Variants in PHLPP1 observed in about 807,000 individuals in gnomAD.
PHLPP1 encodes the protein PH domain leucine-rich repeat-containing protein phosphatase 1.
A neutral mutation model predicts 117.2 loss-of-function variants in PHLPP1; 42 were observed. The observed-to-expected ratio is 0.36, with a 90% CI of 0.28 to 0.46. PHLPP1 has a LOEUF of 0.46. Among genes scored for constraint, PHLPP1 ranks in the 20% least tolerant of loss-of-function variants. PHLPP1 has a pLI of 1.00. For synonymous variants in PHLPP1, 1,042 were observed against 970.7 expected, an observed-to-expected ratio of 1.07 and a Z score of -1.37; for missense variants, 2,084 against 2,241.9, an observed-to-expected ratio of 0.93 and a Z score of 1.42.
intron 4 of PHLPP1, among the ~76,000 whole-genome samples, chr18:62,871,313 T>C (rs1915894170): frequency 6.6e-6 from 1 of 152,110 alleles, no homozygotes; most frequent in Non-Finnish European, 1.5e-5. Context: ...AATTTAGCTC[T>C]GTTTATTTTT....
chr18:62,924,794 C>T (rs371715978), intron 10 of PHLPP1, among the ~76,000 whole-genome samples: 4 of 149,108 alleles, frequency 2.7e-5, no homozygotes, highest in African/African-American at 9.9e-5. Context: ...GCTCTGATCA[C>T]GCCACCTACA....
chr18:62,963,547 C>A, intron 14 of PHLPP1, 75 bp downstream of exon 14: 1 of 932,420 alleles, frequency 1.1e-6, no homozygotes. Flanking sequence ...GAAAGAAACT[C>A]AGTGCTGTAG....
intron 1 of PHLPP1, chr18:62,824,263 G>A (rs907840496): frequency 2.2e-5 from 10 of 449,570 alleles, no homozygotes; most frequent in African/African-American, 2.0e-4. Flanking sequence ...CAAAACATTT[G>A]TCTATACCAA....
intron 7 of PHLPP1, among the ~76,000 whole-genome samples, chr18:62,903,788 A>G (rs1171671681): frequency 6.6e-6 from 1 of 151,990 alleles, no homozygotes; most frequent in African/African-American, 2.4e-5. Context: ...AAAAAAGACA[A>G]GAAAAGATAA....
chr18:62,740,180 C>T (rs564444316), intron 1 of PHLPP1, among the ~76,000 whole-genome samples: 3 of 151,974 alleles, frequency 2.0e-5, no homozygotes, highest in East Asian at 1.9e-4. Flanking sequence ...GTGGGTAGGT[C>T]GGGAGGCAGA....
At chr18:62,743,909 G>A (rs1398329058) in intron 1 of PHLPP1, among the ~76,000 whole-genome samples, 1 of 152,058 alleles carries the variant, frequency 6.6e-6, no homozygotes, top group Non-Finnish European at 1.5e-5. Flanking sequence ...GGACATATAT[G>A]TTGATAGGCT....
chr18:62,854,677 A>G (rs372059375), intron 3 of PHLPP1, among the ~76,000 whole-genome samples: 1 of 150,236 alleles, frequency 6.7e-6, no homozygotes, highest in East Asian at 2.0e-4. Context: ...CTCTTGTTCA[A>G]ACTCTGATCC....
In PHLPP1 at chr18:62,979,845, G is replaced by GTTTTT. The variant is rs1911323466; in HGVS notation, c.*414_*415insTTTTT. On this transcript the variant is annotated 3_prime_UTR_variant, in exon 17 of 17. Coordinates refer to ENST00000262719, the MANE Select transcript of PHLPP1 (RefSeq NM_194449.4). ...TTCTGTATTTCTTTGGGGGGAAAAG[G>GTTTTT]CTTTTGTTTTGTTTTGTTTTGTTTT... 1.3e-5 allele frequency: 2 copies of GTTTTT among 156,886 alleles called. No individual in the cohort carries two copies. Among genetic ancestry groups the GTTTTT allele is most frequent in the African/African-American group, 5.5e-5 (2 of 36,382 alleles). The allele number at this position is 156,886 out of a possible 1,614,324, so 9.7% of individuals were successfully genotyped here.
At chr18:62,957,789 C>T (rs1350768561) in intron 12 of PHLPP1, among the ~76,000 whole-genome samples, 1 of 151,652 alleles carries the variant, frequency 6.6e-6, no homozygotes, top group Non-Finnish European at 1.5e-5. Flanking sequence ...GATCTCGGCT[C>T]ACTGCATCCT....
At chr18:62,751,461 A>G (rs1214187733) in intron 1 of PHLPP1, among the ~76,000 whole-genome samples, 3 of 152,210 alleles carry the variant, frequency 2.0e-5, no homozygotes, top group Non-Finnish European at 4.4e-5. Flanking sequence ...GAAAATGGCA[A>G]GCATGCAGAG....
chr18:62,815,109 T>C (rs1329396179), intron 1 of PHLPP1, among the ~76,000 whole-genome samples: 4 of 151,614 alleles, frequency 2.6e-5, no homozygotes, highest in Admixed American at 2.6e-4. Context: ...CCCTAGGGGC[T>C]GGAGTTCTCT....
At chr18:62,944,784 ATAGTGTTTTCAT>A (rs1365531367) in intron 11 of PHLPP1, among the ~76,000 whole-genome samples, 1 of 152,194 alleles carries the variant, frequency 6.6e-6, no homozygotes, top group African/African-American at 2.4e-5. Flanking sequence ...ACCCATTTAA[ATAGTGTTTTCAT>A]TAGTGTTCAG....
chr18:62,849,309 A>T (rs1026025034), intron 3 of PHLPP1, among the ~76,000 whole-genome samples: 1 of 152,196 alleles, frequency 6.6e-6, no homozygotes, highest in Non-Finnish European at 1.5e-5. Flanking sequence ...GTATCTGGTC[A>T]TGTTATATTT....
At chr18:62,835,776 CTTTTTTTTTTTT>C (rs747058557) in intron 2 of PHLPP1, among the ~76,000 whole-genome samples, 1 of 94,520 alleles carries the variant, frequency 1.1e-5, no homozygotes, top group Admixed American at 1.1e-4. Context: ...TCAACTGGTT[CTTTTTTTTTTTT>C]TTTTTTTTTT....
At position 62,920,094 on chromosome 18, in the gene PHLPP1, CCTT is replaced by C; in HGVS notation, c.2943_2945del (p.Leu982del). ...ACCAGCTCCTTGAGCTCCCACCTAA[CCTT>C]CTGATGAAGGCTGACAGGTAAAGCC... On this transcript the variant is annotated inframe_deletion, in exon 10 of 17. Transcript: ENST00000262719. The C allele has an allele frequency of 6.2e-7, 1 of 1,613,780 alleles. No homozygotes were observed. The highest frequency in any genetic ancestry group is 8.5e-7 in the Non-Finnish European group (1 of 1,179,810).
At chr18:62,801,985 C>T (rs1913797930) in intron 1 of PHLPP1, among the ~76,000 whole-genome samples, 1 of 152,002 alleles carries the variant, frequency 6.6e-6, no homozygotes, top group Non-Finnish European at 1.5e-5. Flanking sequence ...AATATTTTTA[C>T]TTTTTCTATT....
intron 1 of PHLPP1, among the ~76,000 whole-genome samples, chr18:62,740,804 C>T (rs1392642275): frequency 1.3e-5 from 2 of 151,956 alleles, no homozygotes; most frequent in East Asian, 1.9e-4. Context: ...AGACCCCATA[C>T]GTACTAAAAA....
intron 1 of PHLPP1, among the ~76,000 whole-genome samples, chr18:62,793,276 T>C (rs1274448734): frequency 6.6e-6 from 1 of 152,258 alleles, no homozygotes; most frequent in Admixed American, 6.5e-5. Context: ...GATATTTGCA[T>C]AGAAAATCCA....
intron 4 of PHLPP1, among the ~76,000 whole-genome samples, chr18:62,893,776 T>C (rs1197968930): frequency 6.6e-6 from 1 of 150,526 alleles, no homozygotes; most frequent in African/African-American, 2.4e-5. Context: ...ATAGGCCAAA[T>C]GTAAGAGTGC....
Sources: allele counts gnomAD v4.1 joint callset (sites outside exome capture counted in the v4.1 genomes callset), GRCh38; gene constraint gnomAD v4.1.1; transcripts MANE v1.5; gene names NCBI Gene and HGNC (gene_info 2026-07-23, HGNC 2026-07-21).